SCYL1: variants seen among roughly 807,000 people sequenced by gnomAD.
SCYL1 encodes N-terminal kinase-like protein.
In SCYL1, 85 loss-of-function variants were observed where a neutral mutation model predicts 94.8. The ratio of observed to expected loss-of-function variants is 0.90; its 90% CI spans 0.75 to 1.07. SCYL1 has a LOEUF of 1.07. Among genes scored for constraint, SCYL1 ranks in the 50% least tolerant of loss-of-function variants. The pLI is 0.00. For synonymous variants in SCYL1, 459 were observed against 435.5 expected, an observed-to-expected ratio of 1.05 and a Z score of -0.67; for missense variants, 968 against 1,083.3, an observed-to-expected ratio of 0.89 and a Z score of 1.49.
intron 6 of SCYL1, among the ~76,000 whole-genome samples, chr11:65,528,871 T>G (rs1160968533): frequency 6.6e-6 from 1 of 152,204 alleles, no homozygotes; most frequent in Non-Finnish European, 1.5e-5. Context: ...AGGACATGAC[T>G]GTGGGAGCCA....
In SCYL1 at chr11:65,526,241, T is replaced by G; in HGVS notation, c.493T>G (p.Ser165Ala). 1.9e-6 allele frequency: 3 copies of G among 1,613,274 alleles called. No individual in the cohort carries two copies. The highest frequency in any genetic ancestry group is 1.7e-5 in the Admixed American group (1 of 60,018). ...GCTTGGGGGCCTGGACTACATGTAT[T>G]CGGCCCAGGGCAACGGTGGGGGACC... ...WKLGGLDYMYSAQGNGGGPPR... is the reference protein window; with the variant it reads ...WKLGGLDYMYAAQGNGGGPPR... The change falls in exon 4 of 18, where the codon TCG (serine) becomes GCG (alanine). Residue 165 changes from serine to alanine, a missense_variant. By Grantham distance (99) the Ser-to-Ala change is moderately conservative. Coordinates refer to ENST00000270176, the MANE Select transcript of SCYL1 (RefSeq NM_020680.4). This position sits in a 1 kb window ranked among gnomAD's most constrained non-coding sequence, Gnocchi z 4.1.
At chr11:65,527,149 C>T (rs749524836) in intron 6 of SCYL1, 32 bp downstream of exon 6, 2 of 1,602,726 alleles carry the variant, frequency 1.2e-6, no homozygotes, top group Non-Finnish European at 1.7e-6. Context: ...GGCTTCGACC[C>T]TATCTTTTTC....
rs897306635 is a variant in SCYL1 at position 65,536,309 on chromosome 11, G to C, written c.1626G>C (p.Glu542Asp). 2 of 1,614,050 alleles carry C rather than the reference G, an allele frequency of 1.2e-6. No individual in the cohort carries two copies. The highest frequency in any genetic ancestry group is 1.7e-6 in the Non-Finnish European group (2 of 1,180,002). ...SFLSKLESVS[E>D]DPTQLEEVEK... ...TGTCCAAATTGGAGTCTGTGTCGGA[G>C]GACCCGACCCAGCTGGAGGAAGTGG... The change falls in exon 12 of 18, where the codon GAG (glutamate) becomes GAC (aspartate). Residue 542 changes from glutamate to aspartate, a missense_variant. Transcript: ENST00000270176.
chr11:65,531,256 G>A (rs537714041), intron 7 of SCYL1, among the ~76,000 whole-genome samples: 14 of 152,246 alleles, frequency 9.2e-5, no homozygotes, highest in South Asian at 8.3e-4. Context: ...TGTCAGGAGG[G>A]GAGAAGACAA....
Position 65,526,360 on chromosome 11 carries a change from T to C in SCYL1, c.602+10T>C. 6.3e-7 allele frequency: 1 copy of C among 1,582,142 alleles called. No individual in the cohort carries two copies. Among genetic ancestry groups the C allele is most frequent in the Non-Finnish European group, 8.6e-7 (1 of 1,160,610 alleles). ...TGGTCAGAGAGAAGTGGTGGGTGACTGGGGGCAGCGCGCCCCAACCTGCCC... is the reference window on the plus strand; with the variant it reads ...TGGTCAGAGAGAAGTGGTGGGTGACCGGGGGCAGCGCGCCCCAACCTGCCC... On this transcript the variant is annotated intron_variant, in intron 4 of 17. Transcript: ENST00000270176. The surrounding 1 kb of genome is among the most constrained non-coding windows in gnomAD (Gnocchi z 4.1).
In SCYL1 at chr11:65,532,686, C is replaced by T; in HGVS notation, c.1117-6C>T. The stretch of plus-strand genomic sequence containing the variant: ...CCATGTTGACGCATCCCAACCTGGG[C>T]CACAGATGGAGCAGTTCATCCAGTA... On this transcript the variant is annotated splice_region_variant and splice_polypyrimidine_tract_variant and intron_variant, in intron 8 of 17. Coordinates refer to ENST00000270176, the MANE Select transcript of SCYL1 (RefSeq NM_020680.4). 2 of 1,611,192 alleles carry T rather than the reference C, an allele frequency of 1.2e-6. No individual in the cohort carries two copies. Among genetic ancestry groups the T allele is most frequent in the Non-Finnish European group, 1.7e-6 (2 of 1,177,422 alleles).
intron 8 of SCYL1, among the ~76,000 whole-genome samples, 185 bp from the exon 9 acceptor site, chr11:65,532,507 C>A (rs1480890112): frequency 2.0e-5 from 3 of 152,088 alleles, no homozygotes; most frequent in African/African-American, 7.2e-5. Context: ...CTTCCTAGCG[C>A]CCTCCTGGCC....
intron 9 of SCYL1, among the ~76,000 whole-genome samples, chr11:65,533,518 C>T (rs1235799662): frequency 6.6e-6 from 1 of 152,248 alleles, no homozygotes; most frequent in African/African-American, 2.4e-5. Flanking sequence ...GTGGCTTACG[C>T]CTGTGATCCC....
chr11:65,528,998 G>A (rs1405081045), intron 6 of SCYL1, among the ~76,000 whole-genome samples: 1 of 152,198 alleles, frequency 6.6e-6, no homozygotes, highest in Non-Finnish European at 1.5e-5. Context: ...GTATAGTGAG[G>A]AGCATCTGGG....
chr11:65,527,241 C>T (rs934625509), intron 6 of SCYL1, 124 bp downstream of exon 6: 27 of 1,070,976 alleles, frequency 2.5e-5, no homozygotes, highest in South Asian at 4.6e-5. Context: ...TAGGCCAATC[C>T]GGGTTCAAAC....
At chr11:65,530,342 A>C (rs934637401) in intron 6 of SCYL1, among the ~76,000 whole-genome samples, 1 of 152,312 alleles carries the variant, frequency 6.6e-6, no homozygotes, top group Admixed American at 6.5e-5. Context: ...AGGTAGCCGC[A>C]ATGGCAGCAA....
In SCYL1 at chr11:65,525,558, C is replaced by A. The variant is rs553382612; in HGVS notation, c.112-16C>A. 1.2e-6 allele frequency: 2 copies of A among 1,609,728 alleles called. No homozygotes were observed. The highest frequency in any genetic ancestry group is 1.7e-6 in the Non-Finnish European group (2 of 1,179,366). ...ACAGCTCTGGGACCATCTCAGGCCC[C>A]GCTGCCCTCCCCTAGGCCACAGGCA... On this transcript the variant is annotated splice_polypyrimidine_tract_variant and intron_variant, in intron 1 of 17. Transcript: ENST00000270176.
At chr11:65,529,816 T>A (rs1236354005) in intron 6 of SCYL1, among the ~76,000 whole-genome samples, 2 of 152,146 alleles carry the variant, frequency 1.3e-5, no homozygotes, top group African/African-American at 4.8e-5. Flanking sequence ...GCCAAACCAG[T>A]GAGTCAGACC....
chr11:65,531,912 C>T (rs1018161467), intron 8 of SCYL1, among the ~76,000 whole-genome samples: 4 of 152,200 alleles, frequency 2.6e-5, no homozygotes, highest in East Asian at 1.9e-4. Context: ...AATGCCCCCT[C>T]CTCTCCTGGC....
In SCYL1 at chr11:65,538,104, C is replaced by G; in HGVS notation, c.2169C>G (p.Ser723Arg). Residue 723 changes from serine (S) to arginine (R), a missense_variant, in exon 16 of 18, where the codon AGC (serine) becomes AGG (arginine). By Grantham distance (110) the Ser-to-Arg change is moderately radical. Coordinates refer to ENST00000270176, the MANE Select transcript of SCYL1 (RefSeq NM_020680.4). ...EPPPDGTRLASEYNWGGPESS... is the reference protein window; with the variant it reads ...EPPPDGTRLAREYNWGGPESS... ...CTCCTGACGGTACACGGCTGGCCAG[C>G]GAGTATAACTGGGGTGGCCCAGAGT... 1 of 1,604,266 alleles carries G rather than the reference C, an allele frequency of 6.2e-7. No homozygotes were observed. The highest frequency in any genetic ancestry group is 8.5e-7 in the Non-Finnish European group (1 of 1,176,092).
At chr11:65,527,215 G>A in intron 6 of SCYL1, 98 bp downstream of exon 6, 1 of 1,396,170 alleles carries the variant, frequency 7.2e-7, no homozygotes, top group Non-Finnish European at 1.0e-6. Flanking sequence ...CAGGAGACAA[G>A]CATGGACTGT....
chr11:65,534,043 A>G (rs550252699), intron 9 of SCYL1, among the ~76,000 whole-genome samples: 4 of 152,110 alleles, frequency 2.6e-5, no homozygotes, highest in African/African-American at 7.2e-5. Flanking sequence ...CCTGGCTAAC[A>G]TGGTGAAACC....
At chr11:65,525,425 G>T in intron 1 of SCYL1, 149 bp from the exon 2 acceptor site, 1 of 1,118,306 alleles carries the variant, frequency 8.9e-7, no homozygotes, top group Non-Finnish European at 1.2e-6. Context: ...CGGAGGGACC[G>T]AGGGACCGAC....
chr11:65,536,667 C>G lies in SCYL1; in HGVS notation c.1733C>G (p.Ser578Cys). The G allele has an allele frequency of 6.2e-7, 1 of 1,614,084 alleles. No individual in the cohort carries two copies. Residue 578 changes from serine to cysteine, a missense_variant, in exon 13 of 18, where the codon TCC becomes TGC. Ser to Cys is a moderately radical substitution (Grantham distance 112). Around this residue, in one of 2 missense-constraint regions of SCYL1, gnomAD observed 474 missense variants for 463.6 expected, o/e 1.02. Transcript: ENST00000270176. ...GCAGGCTGGGCCGTGACCGGGGTCT[C>G]CTCACTCACCTCCAAGCTGATCCGT... is the stretch of plus-strand genomic sequence containing the variant. ...SWAGWAVTGV[S>C]SLTSKLIRSH...
Sources: gnomAD v4.1 joint callset for allele counts (sites outside exome capture counted in the v4.1 genomes callset) on GRCh38, gnomAD v4.1.1 for gene constraint, gnomAD v4.1.1 regional missense constraint, Gnocchi (gnomAD v3.1) non-coding constraint, MANE v1.5 for transcripts, NCBI Gene and HGNC (gene_info 2026-07-23, HGNC 2026-07-21) for gene names.